GPHN: variants seen among roughly 807,000 people sequenced by gnomAD.
GPHN encodes gephyrin.
In GPHN, 17 loss-of-function variants were observed where a neutral mutation model predicts 95.5. The observed-to-expected ratio is 0.18, with a 90% CI of 0.12 to 0.27. The LOEUF is 0.27. Ranked by LOEUF, GPHN falls within the 10% of genes least tolerant of loss-of-function variation. The probability of loss-of-function intolerance (pLI) is 1.00; values close to 1 mark genes in which losing one functional copy is unlikely to be tolerated. For missense variants in GPHN, 660 were observed against 978.1 expected, an observed-to-expected ratio of 0.67 and a Z score of 4.34; for synonymous variants, 320 against 322.5, an observed-to-expected ratio of 0.99 and a Z score of 0.08.
intron 4 of GPHN, among the ~76,000 whole-genome samples, chr14:66,864,925 C>A (rs2063170663): frequency 6.6e-6 from 1 of 152,144 alleles, no homozygotes; most frequent in African/African-American, 2.4e-5. Context: ...CAATGGAATT[C>A]TATTTGGCCA....
intron 8 of GPHN, among the ~76,000 whole-genome samples, chr14:66,932,778 T>C (rs1355884185): frequency 6.6e-6 from 1 of 151,566 alleles, no homozygotes; most frequent in East Asian, 2.0e-4. Context: ...TTCAGGACAG[T>C]GAATGCCTTT....
chr14:67,309,164 A>G, the GPHN span, among the ~76,000 whole-genome samples: 1 of 152,094 alleles, frequency 6.6e-6, no homozygotes. Context: ...GAGGCCCTGG[A>G]CCTTTCCTAT....
chr14:67,042,394 T>C (rs989201397), intron 10 of GPHN, among the ~76,000 whole-genome samples: 1 of 152,122 alleles, frequency 6.6e-6, no homozygotes, highest in African/African-American at 2.4e-5. Context: ...CCATCTTGAG[T>C]TGATTTTTGT....
At chr14:66,835,067 T>G (rs1596073331) in intron 4 of GPHN, among the ~76,000 whole-genome samples, 2 of 151,364 alleles carry the variant, frequency 1.3e-5, no homozygotes, top group East Asian at 3.9e-4. Flanking sequence ...TATTCTCTGA[T>G]GGTAGTTTGT....
chr14:67,500,131 T>C, the GPHN span, among the ~76,000 whole-genome samples: 1 of 152,090 alleles, frequency 6.6e-6, no homozygotes, highest in African/African-American at 2.4e-5. Flanking sequence ...ACCACTGCAC[T>C]CCAGCCTGGG....
intron 2 of GPHN, among the ~76,000 whole-genome samples, chr14:66,751,525 T>G (rs908420844): frequency 1.3e-5 from 2 of 152,130 alleles, no homozygotes; most frequent in African/African-American, 4.8e-5. Flanking sequence ...TTTGCCCACT[T>G]ATTAATGGGG....
At chr14:66,991,317 A>T (rs1371692634) in intron 9 of GPHN, among the ~76,000 whole-genome samples, 1 of 152,070 alleles carries the variant, frequency 6.6e-6, no homozygotes, top group African/African-American at 2.4e-5. Flanking sequence ...AAATCCTTAG[A>T]TTGGTGATGT....
At chr14:67,023,568 A>G (rs2073770525) in intron 9 of GPHN, 65 bp from the exon 10 acceptor site, 1 of 1,269,946 alleles carries the variant, frequency 7.9e-7, no homozygotes, top group African/African-American at 1.5e-5. Flanking sequence ...CTTGCCCATT[A>G]AATATGCATA....
chr14:66,747,797 C>G (rs769032892), intron 2 of GPHN, among the ~76,000 whole-genome samples: 5 of 151,938 alleles, frequency 3.3e-5, no homozygotes, highest in Non-Finnish European at 7.4e-5. Context: ...ATTAAATAAG[C>G]AATTTGTTCA....
chr14:67,684,914 A>T, the GPHN span: 1 of 896,602 alleles, frequency 1.1e-6, no homozygotes, highest in Non-Finnish European at 1.7e-6. Context: ...GACAAAAGCT[A>T]TATGAGACAA....
At chr14:67,592,700 G>GGTA in the GPHN span, 19 of 1,600,680 alleles carry the variant, frequency 1.2e-5, no homozygotes, top group Non-Finnish European at 1.4e-5. Flanking sequence ...AAGATGCAGA[G>GGTA]GTAGTAAATC....
intron 1 of GPHN, among the ~76,000 whole-genome samples, chr14:66,661,202 C>A (rs761977206): frequency 7.2e-5 from 11 of 152,180 alleles, no homozygotes; most frequent in Non-Finnish European, 1.0e-4. Context: ...CAGGATAAGA[C>A]CCACTGGCTT....
chr14:66,696,063 G>A (rs1044308624), intron 2 of GPHN, among the ~76,000 whole-genome samples: 1 of 152,176 alleles, frequency 6.6e-6, no homozygotes, highest in Non-Finnish European at 1.5e-5. Flanking sequence ...GTGCCACTTC[G>A]TTGGGGTATG....
At chr14:67,231,715 C>A in the GPHN span, among the ~76,000 whole-genome samples, 1 of 152,124 alleles carries the variant, frequency 6.6e-6, no homozygotes, top group African/African-American at 2.4e-5. Flanking sequence ...CGCCTGTAAT[C>A]CCAGCACTTT....
the GPHN span, among the ~76,000 whole-genome samples, chr14:67,361,899 C>T: frequency 6.6e-6 from 1 of 152,030 alleles, no homozygotes; most frequent in Non-Finnish European, 1.5e-5. Flanking sequence ...TTCTGTTCCA[C>T]CTTTCCTGTT....
chr14:67,169,389 G>A (rs1429547640), intron 21 of GPHN, among the ~76,000 whole-genome samples: 3 of 152,180 alleles, frequency 2.0e-5, no homozygotes, highest in Non-Finnish European at 4.4e-5. Context: ...TTTTCCCCAT[G>A]CAAACTCAGA....
the GPHN span, chr14:67,292,497 T>C: frequency 1.2e-5 from 18 of 1,559,674 alleles, no homozygotes; most frequent in Non-Finnish European, 1.5e-5. Flanking sequence ...GGATACCTTT[T>C]CTTCTTCTAC....
At chr14:67,134,244 C>T (rs1183022056) in intron 17 of GPHN, among the ~76,000 whole-genome samples, 1 of 152,144 alleles carries the variant, frequency 6.6e-6, no homozygotes, top group African/African-American at 2.4e-5. Context: ...GTAGCACATT[C>T]TATTGTTCGA....
chr14:67,343,290 A>G, the GPHN span: 1 of 1,071,346 alleles, frequency 9.3e-7, no homozygotes, highest in South Asian at 1.4e-5. Context: ...AGTCTTCAGT[A>G]CAGTCCCTGA....
Sources: allele counts gnomAD v4.1 joint callset (sites outside exome capture counted in the v4.1 genomes callset), GRCh38; gene constraint gnomAD v4.1.1; transcripts MANE v1.5; gene names NCBI Gene and HGNC (gene_info 2026-07-23, HGNC 2026-07-21).